Variants in LNX1 observed in about 807,000 individuals in gnomAD.
LNX1 encodes the protein ligand of numb-protein X 1.
LNX1 carries 54 observed loss-of-function variants against 68.4 expected under a neutral mutation model. The ratio of observed to expected loss-of-function variants is 0.79; its 90% CI spans 0.63 to 0.99. LNX1 has a LOEUF of 0.99. Ranked by LOEUF, LNX1 falls within the 50% of genes least tolerant of loss-of-function variation. LNX1 has a pLI of 0.00. For synonymous variants in LNX1, 336 were observed against 350.0 expected, an observed-to-expected ratio of 0.96 and a Z score of 0.45; for missense variants, 906 against 926.4, an observed-to-expected ratio of 0.98 and a Z score of 0.29.
At chr4:53,475,700 G>A (rs1046796793) in intron 9 of LNX1, among the ~76,000 whole-genome samples, 14 of 152,176 alleles carry the variant, frequency 9.2e-5, no homozygotes, top group African/African-American at 3.1e-4. Flanking sequence ...ATGCTCTCAT[G>A]CAGGTGAGCA....
At chr4:53,563,056 A>G (rs1730395795) in intron 2 of LNX1, among the ~76,000 whole-genome samples, 1 of 152,096 alleles carries the variant, frequency 6.6e-6, no homozygotes, top group Non-Finnish European at 1.5e-5. Flanking sequence ...AATACAAAAA[A>G]TTAGCCGGGC....
At chr4:53,625,842 CCCGTGTGTGTGTGT>C (rs1319395293) in intron 1 of LNX1, among the ~76,000 whole-genome samples, 3 of 50,488 alleles carry the variant, frequency 5.9e-5, no homozygotes, top group Non-Finnish European at 1.5e-4. Flanking sequence ...GCAATTCCAC[CCCGTGTGTGTGTGT>C]GTGTGTGTGT....
intron 2 of LNX1, among the ~76,000 whole-genome samples, chr4:53,533,283 G>A (rs530461755): frequency 2.0e-5 from 3 of 152,298 alleles, no homozygotes; most frequent in South Asian, 2.1e-4. Context: ...AGATTTGCCC[G>A]AGGAGCTTGG....
intron 2 of LNX1, among the ~76,000 whole-genome samples, chr4:53,568,802 A>C (rs1730919761): frequency 1.3e-5 from 2 of 152,176 alleles, no homozygotes; most frequent in South Asian, 4.1e-4. Context: ...CTGATAAGCG[A>C]CTTCAGCAAA....
chr4:53,553,358 G>A (rs1393527109), intron 2 of LNX1, among the ~76,000 whole-genome samples: 1 of 152,132 alleles, frequency 6.6e-6, no homozygotes, highest in Non-Finnish European at 1.5e-5. Context: ...GAAGACTTAA[G>A]CATGAAAATG....
intron 2 of LNX1, among the ~76,000 whole-genome samples, chr4:53,531,435 C>G (rs1159942395): frequency 6.6e-6 from 1 of 152,238 alleles, no homozygotes; most frequent in Non-Finnish European, 1.5e-5. Context: ...CCCTAATAAT[C>G]TTGAAATTCG....
At chr4:53,486,417 C>T (rs1293827471) in intron 6 of LNX1, among the ~76,000 whole-genome samples, 1 of 152,150 alleles carries the variant, frequency 6.6e-6, no homozygotes, top group Non-Finnish European at 1.5e-5. Flanking sequence ...CAAGAGGAAG[C>T]GGTTCTGATG....
In LNX1 at chr4:53,557,759, G is replaced by C; in HGVS notation, c.380+15864C>G. 2.5e-6 allele frequency: 3 copies of C among 1,221,492 alleles called. No individual in the cohort carries two copies. In the South Asian group the frequency reaches 4.7e-5, roughly 19 times the overall value. The allele number at this position is 1,221,492 out of a possible 1,614,324, so 75.7% of individuals were successfully genotyped here. A position where few individuals can be genotyped will look rare whatever the true frequency, so the allele number is the denominator to read the frequency against. On this transcript the variant is annotated intron_variant, in intron 2 of 10. Coordinates refer to ENST00000263925, the MANE Select transcript of LNX1 (RefSeq NM_001126328.3). ...TGCTGGCAGGGTGCTTTGTCCAAGT[G>C]CATCTAGTATGTGTGGAATTTAAAA...
chr4:53,543,769 A>G (rs1280943063), intron 2 of LNX1, among the ~76,000 whole-genome samples: 1 of 152,250 alleles, frequency 6.6e-6, no homozygotes, highest in East Asian at 1.9e-4. Flanking sequence ...ATATGCCTCA[A>G]TTCAACCCTG....
chr4:53,545,919 C>T (rs911252077), intron 2 of LNX1, among the ~76,000 whole-genome samples: 2 of 151,656 alleles, frequency 1.3e-5, no homozygotes, highest in Admixed American at 6.6e-5. Flanking sequence ...GCAATTCTCC[C>T]GCCTCAACCT....
intron 2 of LNX1, among the ~76,000 whole-genome samples, chr4:53,547,583 ACCTCT>A (rs1373063804): frequency 2.0e-5 from 3 of 151,690 alleles, no homozygotes; most frequent in Non-Finnish European, 4.4e-5. Flanking sequence ...GGGGTCCCTG[ACCTCT>A]CCCTCCCCTA....
chr4:53,609,194 T>A (rs1324148466), intron 2 of LNX1, among the ~76,000 whole-genome samples: 2 of 151,750 alleles, frequency 1.3e-5, no homozygotes, highest in African/African-American at 2.4e-5. Flanking sequence ...GCTGGAAAAA[T>A]CATCTGTATA....
intron 1 of LNX1, among the ~76,000 whole-genome samples, chr4:53,649,753 C>G (rs776778607): frequency 6.6e-6 from 1 of 152,178 alleles, no homozygotes; most frequent in African/African-American, 2.4e-5. Flanking sequence ...AGGTGCCCTC[C>G]GATGGCAGGC....
At chr4:53,572,244 C>G (rs553798768) in intron 2 of LNX1, among the ~76,000 whole-genome samples, 29 of 152,286 alleles carry the variant, frequency 1.9e-4, no homozygotes, top group African/African-American at 6.3e-4. Flanking sequence ...GCAAAAGTCA[C>G]AAATAGACTA....
At chr4:53,569,147 A>T (rs1730947110) in intron 2 of LNX1, among the ~76,000 whole-genome samples, 1 of 152,068 alleles carries the variant, frequency 6.6e-6, no homozygotes, top group African/African-American at 2.4e-5. Flanking sequence ...TTCTTCACAG[A>T]ATTGGAAAAA....
intron 2 of LNX1, among the ~76,000 whole-genome samples, chr4:53,558,777 G>T (rs1279637896): frequency 6.6e-6 from 1 of 152,180 alleles, no homozygotes; most frequent in Non-Finnish European, 1.5e-5. Flanking sequence ...TCTGAAATCA[G>T]CTGTATGACA....
At chr4:53,640,406 C>A (rs1456882542) in intron 1 of LNX1, among the ~76,000 whole-genome samples, 1 of 152,026 alleles carries the variant, frequency 6.6e-6, no homozygotes, top group Non-Finnish European at 1.5e-5. Flanking sequence ...AGCTCTGTAG[C>A]CTTCTCAGTA....
rs1190060826 is a variant in LNX1, at chr4:53,568,332, C to T, written c.380+5291G>A. On this transcript the variant is annotated intron_variant, in intron 2 of 10. Coordinates refer to ENST00000263925, the MANE Select transcript of LNX1 (RefSeq NM_001126328.3). ...TGGGCTTCATCCCTGGGATGCAAGG[C>T]TGGTTCAATATACGCAAATCAATAA... 9.9e-5 allele frequency among the ~76,000 whole-genome samples: 15 copies of T among 151,720 alleles called. No homozygotes were observed. In the South Asian group the frequency reaches 3.1e-3, roughly 32 times the overall value.
chr4:53,533,549 C>A (rs916810877), intron 2 of LNX1, among the ~76,000 whole-genome samples: 2 of 152,172 alleles, frequency 1.3e-5, no homozygotes, highest in African/African-American at 4.8e-5. Context: ...CAGGCACATG[C>A]CATCACACCT....
Sources: allele counts gnomAD v4.1 joint callset (sites outside exome capture counted in the v4.1 genomes callset), GRCh38; gene constraint gnomAD v4.1.1; transcripts MANE v1.5; gene names NCBI Gene and HGNC (gene_info 2026-07-23, HGNC 2026-07-21).